The following SPTBN5 variants were observed in gnomAD, a reference collection of about 807,000 sequenced individuals.
The protein encoded by SPTBN5 is spectrin beta chain, non-erythrocytic 5.
In SPTBN5, 513 loss-of-function variants were observed where a neutral mutation model predicts 477.6. The observed-to-expected ratio is 1.07, with a 90% CI of 1.00 to 1.16. The LOEUF (loss-of-function observed/expected upper bound fraction) is 1.16. Among genes scored for constraint, SPTBN5 ranks in the 50% most tolerant of loss-of-function variants. SPTBN5 has a pLI of 0.00. For synonymous variants in SPTBN5, 2,169 were observed against 2,011.7 expected (o/e 1.08, Z -2.09); for missense variants, 5,062 against 4,731.8 (o/e 1.07, Z -2.05).
At chr15:41,888,165 G>T in intron 4 of SPTBN5, 80 bp from the exon 5 acceptor site, 11 of 1,403,738 alleles carry the variant, frequency 7.8e-6, no homozygotes, top group Non-Finnish European at 1.1e-5. Context: ...GGAGAGGCAG[G>T]CTGGCCACAG....
In SPTBN5 at chr15:41,848,518, G is replaced by A. The variant is rs779334777; in HGVS notation, c.*98C>T. 4.1e-5 allele frequency: 60 copies of A among 1,451,290 alleles called. No individual in the cohort carries two copies. Among genetic ancestry groups the A allele is most frequent in the Middle Eastern group, 3.7e-4 (2 of 5,414 alleles). 89.9% of individuals were successfully genotyped at this position (1,451,290 alleles called of 1,614,324 possible). A position where few individuals can be genotyped will look rare whatever the true frequency, so the allele number is the denominator to read the frequency against. On this transcript the variant is annotated 3_prime_UTR_variant, in exon 68 of 68. Coordinates refer to ENST00000320955, the MANE Select transcript of SPTBN5 (RefSeq NM_016642.4). ...TGGGGAACTGGGTTGAAGCAGCCAC[G>A]GGAAGGAGCCCTTTTGCCTGTAGCT...
At position 41,875,038 on chromosome 15, in the gene SPTBN5, C is replaced by T; in HGVS notation, c.4306G>A (p.Glu1436Lys). The change falls in exon 23 of 68, where the codon GAG (glutamate) becomes AAG (lysine). Residue 1436 changes from glutamate (E) to lysine (K), a missense_variant. Coordinates refer to ENST00000320955, the MANE Select transcript of SPTBN5 (RefSeq NM_016642.4). ...CTCTGTAGGGCCCCTTCGAGCTGCTCCAGCTGCTCCTTTGCATCCTGGGAG... is the reference window on the plus strand; with the variant it reads ...CTCTGTAGGGCCCCTTCGAGCTGCTTCAGCTGCTCCTTTGCATCCTGGGAG... ...RQLQDAKEQL[E>K]QLEGALQSSE... The T allele has an allele frequency of 1.2e-6, 2 of 1,612,162 alleles. No homozygotes were observed. The highest frequency in any genetic ancestry group is 2.2e-5 in the South Asian group (2 of 90,868).
At position 41,876,849 on chromosome 15, in the gene SPTBN5, C is replaced by T. The variant is rs1204886649; in HGVS notation, c.3811G>A (p.Gly1271Ser). Residue 1271 changes from glycine to serine, a missense_variant, in exon 19 of 68, where the codon GGC (glycine) becomes AGC (serine). Gly to Ser is a moderately conservative substitution (Grantham distance 56). Transcript: ENST00000320955. ...GPRAEALRAHGEKLVQSQHPA... is the reference protein window; with the variant it reads ...GPRAEALRAHSEKLVQSQHPA... ...TGCTGGCTCTGAACCAGCTTCTCGCCGTGTGCCCGCAGAGCCTCTGCCCGA... is the reference window on the plus strand; with the variant it reads ...TGCTGGCTCTGAACCAGCTTCTCGCTGTGTGCCCGCAGAGCCTCTGCCCGA... 13 of 1,610,324 alleles carry T rather than the reference C, an allele frequency of 8.1e-6. No individual in the cohort carries two copies. The highest frequency in any genetic ancestry group is 2.2e-5 in the South Asian group (2 of 90,998).
intron 17 of SPTBN5, 79 bp from the exon 18 acceptor site, chr15:41,877,435 C>G (rs1243764703): frequency 1.3e-6 from 2 of 1,517,968 alleles, no homozygotes; most frequent in Non-Finnish European, 1.8e-6. Context: ...CTCCAGGGTT[C>G]ACGCATCTTG....
At chr15:41,888,327 C>T (rs1440892868) in intron 4 of SPTBN5, among the ~76,000 whole-genome samples, 2 of 152,262 alleles carry the variant, frequency 1.3e-5, no homozygotes, top group Non-Finnish European at 2.9e-5. Context: ...GCCGTCACTG[C>T]AGAGGCGCTG....
chr15:41,861,960 A>G (rs1401324865), intron 44 of SPTBN5, 37 bp from the exon 45 acceptor site: 1 of 1,576,612 alleles, frequency 6.3e-7, no homozygotes, highest in Non-Finnish European at 8.6e-7. Context: ...TGGGGGCTGG[A>G]AGCAGCCCAG....
In SPTBN5 at chr15:41,868,065, C is replaced by G; in HGVS notation, c.6207+4G>C. 1 of 1,598,064 alleles carries G rather than the reference C, an allele frequency of 6.3e-7. No individual in the cohort carries two copies. Among genetic ancestry groups the G allele is most frequent in the South Asian group, 1.1e-5 (1 of 89,454 alleles). On this transcript the variant is annotated splice_donor_region_variant and intron_variant, in intron 34 of 67. Transcript: ENST00000320955. The stretch of plus-strand genomic sequence containing the variant: ...GCGGAGTGTGAGGGCGGGAGGGGAC[C>G]TGCCTCCTGGGCCGCGAGGATCTCC...
Position 41,890,134 on chromosome 15 carries a change from C to A in SPTBN5, c.456G>T (p.Trp152Cys). The A allele has an allele frequency of 1.2e-6, 2 of 1,613,252 alleles. No individual in the cohort carries two copies. The highest frequency in any genetic ancestry group is 1.7e-6 in the Non-Finnish European group (2 of 1,179,662). The change falls in exon 4 of 68, where the codon TGG becomes TGT. Residue 152 changes from tryptophan (W) to cysteine (C), a missense_variant. Transcript: ENST00000320955. ...AGATCTGGAAACGCAGAATGATGAC[C>A]CAGATGAGTCCCAGGATGAGTGTCT... is the stretch of plus-strand genomic sequence containing the variant. The part of the protein sequence containing the change: ...GDQTLILGLI[W>C]VIILRFQISH...
At chr15:41,871,990 G>A in intron 27 of SPTBN5, 73 bp from the exon 28 acceptor site, 3 of 1,442,658 alleles carry the variant, frequency 2.1e-6, no homozygotes, top group Non-Finnish European at 2.7e-6. Flanking sequence ...CCAGCCAGAG[G>A]GGCCAATCTG....
At chr15:41,889,232 C>T (rs750878174) in intron 4 of SPTBN5, among the ~76,000 whole-genome samples, 47 of 152,334 alleles carry the variant, frequency 3.1e-4, no homozygotes, top group Non-Finnish European at 6.6e-4. Flanking sequence ...AGCCTGCAGA[C>T]ACACAAGACC....
Position 41,850,855 on chromosome 15 carries a change from T to A in SPTBN5, c.10920A>T (p.Ala3640=), listed in dbSNP as rs778711994. The A allele has an allele frequency of 6.3e-7, 1 of 1,593,962 alleles. No homozygotes were observed. Among genetic ancestry groups the A allele is most frequent in the East Asian group, 2.3e-5 (1 of 43,742 alleles). ...CCGCATCCTTCCCCTGAAGCCCACC[T>A]GCAGTGCTGCCCAGGGCTCGCCACC... The part of the protein sequence containing the change: ...ESWWRALGST[A]AQSLSPKLKA... Residue 3640 remains alanine, a splice_region_variant and synonymous_variant, in exon 66 of 68, where the codon GCA becomes GCT. Coordinates refer to ENST00000320955, the MANE Select transcript of SPTBN5 (RefSeq NM_016642.4).
chr15:41,855,760 G>T lies in SPTBN5; in HGVS notation c.9022-15C>A. ...GCCTCCAGGAGCTGGGGGTGACAGA[G>T]TGGAGATCCGTTTTCCCGGGGCACC... On this transcript the variant is annotated splice_polypyrimidine_tract_variant and intron_variant, in intron 53 of 67. Coordinates refer to ENST00000320955, the MANE Select transcript of SPTBN5 (RefSeq NM_016642.4). 1 of 1,553,286 alleles carries T rather than the reference G, an allele frequency of 6.4e-7. No individual in the cohort carries two copies.
chr15:41,880,095 CA>C, intron 14 of SPTBN5, 64 bp downstream of exon 14: 1 of 1,513,220 alleles, frequency 6.6e-7, no homozygotes, highest in East Asian at 2.3e-5. Context: ...AACTGAGTCA[CA>C]GCAGCAGACC....
In SPTBN5 at chr15:41,852,636, C is replaced by G. The variant is rs755016918; in HGVS notation, c.10447G>C (p.Glu3483Gln). The G allele has an allele frequency of 2.5e-5, 40 of 1,613,360 alleles. 1 individual carries two copies. The highest frequency in any genetic ancestry group is 3.4e-5 in the Non-Finnish European group (40 of 1,179,878). ...CCCCTAGCCGAGGCAGTCGTCACCT[C>G]TGTCTTTTGCATTTGGGCAAACTTC... ...EEKFAQMQKT[E>Q]MEQELLLQPQ... The change falls in exon 61 of 68, where the codon GAG becomes CAG. Residue 3483 changes from glutamate to glutamine, a missense_variant and splice_region_variant. By Grantham distance (29) the Glu-to-Gln change is conservative. Transcript: ENST00000320955.
chr15:41,870,289 C>G lies in SPTBN5; in HGVS notation c.5627G>C (p.Arg1876Thr), dbSNP rs1466364772. Residue 1876 changes from arginine to threonine, a missense_variant, in exon 31 of 68, where the codon AGA becomes ACA. Transcript: ENST00000320955. ...RDLCGLEAQL[R>T]SHQGLERELV... ...TTCTCGCTCCAGCCCCTGGTGGCTT[C>G]TCAGCTGCGCCTCCAGCCCACACAG... The G allele has an allele frequency of 6.4e-7, 1 of 1,555,616 alleles. No individual in the cohort carries two copies. Among genetic ancestry groups the G allele is most frequent in the Admixed American group, 1.9e-5 (1 of 51,526 alleles).
intron 62 of SPTBN5, 34 bp downstream of exon 62, chr15:41,852,148 G>A (rs1383845511): frequency 1.3e-6 from 2 of 1,547,400 alleles, no homozygotes; most frequent in Middle Eastern, 2.3e-4. Context: ...GGAGACCACG[G>A]CGGGGGTGCC....
intron 23 of SPTBN5, 111 bp from the exon 24 acceptor site, chr15:41,874,589 G>A: frequency 2.0e-6 from 2 of 1,006,064 alleles, no homozygotes; most frequent in Non-Finnish European, 2.9e-6. Context: ...AGGGAATAGA[G>A]CAAAGCCTCA....
At chr15:41,854,998 C>A in intron 55 of SPTBN5, 22 bp from the exon 56 acceptor site, 1 of 1,519,764 alleles carries the variant, frequency 6.6e-7, no homozygotes, top group Admixed American at 2.1e-5. Context: ...TGAGGCCCAG[C>A]AGGGTCACTT....
At chr15:41,850,777 C>T in intron 66 of SPTBN5, 77 bp downstream of exon 66, 2 of 1,255,896 alleles carry the variant, frequency 1.6e-6, no homozygotes, top group Non-Finnish European at 2.2e-6. Context: ...CCCTAGGATG[C>T]ATAAAACACT....
Sources: allele counts gnomAD v4.1 joint callset (sites outside exome capture counted in the v4.1 genomes callset), GRCh38; gene constraint gnomAD v4.1.1; transcripts MANE v1.5; gene names NCBI Gene and HGNC (gene_info 2026-07-23, HGNC 2026-07-21).